Variants in NPAS3 observed in about 807,000 individuals in gnomAD.
NPAS3 encodes neuronal PAS domain-containing protein 3.
In NPAS3, 14 loss-of-function variants were observed where a neutral mutation model predicts 73.1. The observed-to-expected ratio is 0.19, with a 90% CI of 0.13 to 0.30. The LOEUF is 0.30. Ranked by LOEUF, NPAS3 falls within the 10% of genes least tolerant of loss-of-function variation. The pLI, the probability that NPAS3 is intolerant of heterozygous loss-of-function variation, is 1.00. For missense variants in NPAS3, 1,096 were observed against 1,250.0 expected, an observed-to-expected ratio of 0.88 and a Z score of 1.86; for synonymous variants, 620 against 541.5, an observed-to-expected ratio of 1.14 and a Z score of -2.01.
intron 3 of NPAS3, among the ~76,000 whole-genome samples, chr14:33,241,001 A>G (rs1011649319): frequency 6.6e-6 from 1 of 151,948 alleles, no homozygotes. Flanking sequence ...TCTTAGCATG[A>G]GGCTAACCTC....
intron 7 of NPAS3, among the ~76,000 whole-genome samples, chr14:33,741,973 A>T (rs866971837): frequency 1.3e-5 from 2 of 152,120 alleles, no homozygotes; most frequent in East Asian, 1.9e-4. Context: ...ATACATACAT[A>T]AAAAAGTAAC....
At chr14:33,013,687 C>G (rs1366087126) in intron 1 of NPAS3, among the ~76,000 whole-genome samples, 1 of 152,138 alleles carries the variant, frequency 6.6e-6, no homozygotes, top group Non-Finnish European at 1.5e-5. Context: ...TTTACATCAA[C>G]ATTTTCTATA....
intron 4 of NPAS3, among the ~76,000 whole-genome samples, chr14:33,479,040 T>G (rs915336551): frequency 4.6e-5 from 7 of 152,296 alleles, no homozygotes; most frequent in Admixed American, 1.3e-4. Flanking sequence ...GGCCAAATGA[T>G]GCTGACTTCT....
intron 6 of NPAS3, among the ~76,000 whole-genome samples, chr14:33,696,775 T>C (rs1230871563): frequency 6.6e-6 from 1 of 152,212 alleles, no homozygotes; most frequent in Non-Finnish European, 1.5e-5. Context: ...CAGTATGTTT[T>C]GTTTCTTGCT....
chr14:33,334,945 T>C (rs1334676106), intron 3 of NPAS3, among the ~76,000 whole-genome samples: 2 of 152,092 alleles, frequency 1.3e-5, no homozygotes, highest in African/African-American at 2.4e-5. Context: ...CTGAGTTACT[T>C]CACTTAGAAT....
chr14:33,739,014 G>T (rs115976455), intron 7 of NPAS3, among the ~76,000 whole-genome samples: 3,045 of 152,266 alleles, frequency 0.02, 38 homozygotes, highest in Middle Eastern at 0.044. Flanking sequence ...GATCTCTTCT[G>T]AAATGCCTAC....
chr14:33,357,398 G>A (rs542146445), intron 3 of NPAS3, among the ~76,000 whole-genome samples: 1 of 152,344 alleles, frequency 6.6e-6, no homozygotes, highest in East Asian at 1.9e-4. Flanking sequence ...TGAAATGTTT[G>A]CACTGGTGTG....
intron 5 of NPAS3, 38 bp from the exon 6 acceptor site, chr14:33,676,173 T>G: frequency 1.2e-6 from 2 of 1,606,952 alleles, no homozygotes; most frequent in Non-Finnish European, 1.7e-6. Flanking sequence ...GAAGCCTATA[T>G]AATGTCTTTC....
At position 33,012,139 on chromosome 14, in the gene NPAS3, C is replaced by T. The variant is rs546156771; in HGVS notation, c.51-43766C>T. 1.2e-4 allele frequency among the ~76,000 whole-genome samples: 18 copies of T among 152,214 alleles called. No homozygotes were observed. The South Asian group carries it at 3.7e-3, about 32-fold the overall frequency. On this transcript the variant is annotated intron_variant, in intron 1 of 11. Transcript: ENST00000356141. ...TCCCTCCAGCATCCAGGCCTCTGCA[C>T]AGAACAATTAAAAACAGCCTTGCCC...
chr14:33,380,751 C>T (rs1380721272), intron 4 of NPAS3, among the ~76,000 whole-genome samples: 1 of 152,134 alleles, frequency 6.6e-6, no homozygotes, highest in Non-Finnish European at 1.5e-5. Context: ...TTGGACTGCC[C>T]TCACAGAGGA....
intron 5 of NPAS3, among the ~76,000 whole-genome samples, chr14:33,613,471 CCTT>C (rs1446633377): frequency 6.6e-6 from 1 of 152,118 alleles, no homozygotes; most frequent in Non-Finnish European, 1.5e-5. Flanking sequence ...TTCTCTGTGC[CCTT>C]CTCACACTGG....
intron 1 of NPAS3, among the ~76,000 whole-genome samples, chr14:33,018,936 TAA>T (rs74420397): frequency 5.4e-5 from 8 of 147,898 alleles, no homozygotes; most frequent in South Asian, 2.1e-4. Flanking sequence ...TGCAAATTTA[TAA>T]AAAAAAAAAC....
At chr14:33,202,835 T>C (rs1386186750) in intron 2 of NPAS3, among the ~76,000 whole-genome samples, 1 of 152,196 alleles carries the variant, frequency 6.6e-6, no homozygotes, top group Non-Finnish European at 1.5e-5. Context: ...ATTTTCCCTT[T>C]TACTGGAAAA....
In NPAS3 at chr14:32,966,632, C is replaced by T. The variant is rs1196845249; in HGVS notation, c.50+27266C>T. Among the ~76,000 whole-genome samples the T allele has an allele frequency of 2.0e-4, 15 of 74,948 alleles. 3 individuals are homozygous for T. The highest frequency in any genetic ancestry group is 3.2e-4 in the Admixed American group (3 of 9,516). The allele number at this position is 74,948 out of a possible 152,430, so 49.2% of individuals were successfully genotyped here. A position where few individuals can be genotyped will look rare whatever the true frequency, so the allele number is the denominator to read the frequency against. On this transcript the variant is annotated intron_variant, in intron 1 of 11. Transcript: ENST00000356141. Reference sequence around the variant, plus strand: ...AAAAATACAAAAAATTAGCCGGGCGCGGTGGCGGGCGCCTGTAGTCCCAGC... The same window carrying T: ...AAAAATACAAAAAATTAGCCGGGCGTGGTGGCGGGCGCCTGTAGTCCCAGC...
At chr14:33,704,393 C>G (rs1054157537) in intron 6 of NPAS3, among the ~76,000 whole-genome samples, 3 of 152,160 alleles carry the variant, frequency 2.0e-5, no homozygotes, top group Non-Finnish European at 4.4e-5. Context: ...ACATCACTCT[C>G]AGAATTTAGA....
At chr14:33,651,820 G>A (rs1437014685) in intron 5 of NPAS3, among the ~76,000 whole-genome samples, 1 of 152,096 alleles carries the variant, frequency 6.6e-6, no homozygotes. Flanking sequence ...GCCACTTTTG[G>A]TGGCTTATTT....
At chr14:33,297,191 A>G (rs187655316) in intron 3 of NPAS3, among the ~76,000 whole-genome samples, 4 of 150,272 alleles carry the variant, frequency 2.7e-5, no homozygotes, top group Middle Eastern at 3.4e-3. Flanking sequence ...TCTGCCATTT[A>G]CTGGGAATGT....
rs532346163 is a variant in NPAS3, at chr14:33,769,011, T to G, written c.853-5326T>G. Among the ~76,000 whole-genome samples, 49 of 152,296 alleles carry G rather than the reference T, an allele frequency of 3.2e-4. 1 individual carries two copies. In the East Asian group the frequency reaches 3.7e-3, roughly 11 times the overall value. On this transcript the variant is annotated intron_variant, in intron 7 of 11. Coordinates refer to ENST00000356141, the Ensembl canonical transcript of NPAS3. ...TGGAATTGTGGATGGAGAAAAAGGG[T>G]GCTTAAGAGCTTTCAGAAAAGTGCT...
chr14:33,512,468 T>G (rs2140021683), intron 4 of NPAS3, among the ~76,000 whole-genome samples: 1 of 152,130 alleles, frequency 6.6e-6, no homozygotes, highest in African/African-American at 2.4e-5. Context: ...TACTTCCAGA[T>G]TTGTCAGATC....
Sources: allele counts gnomAD v4.1 joint callset (sites outside exome capture counted in the v4.1 genomes callset), GRCh38; gene constraint gnomAD v4.1.1; transcripts MANE v1.5; gene names NCBI Gene and HGNC (gene_info 2026-07-23, HGNC 2026-07-21).